The following ANKHD1 variants were observed in gnomAD, a reference collection of about 807,000 sequenced individuals.
The protein encoded by ANKHD1 is ankyrin repeat and KH domain containing 1, also known as ankyrin repeat and KH domain-containing protein 1.
Under a neutral mutation model 230.5 loss-of-function variants are expected in ANKHD1, and 31 were observed. The ratio of observed to expected loss-of-function variants is 0.13; its 90% confidence interval spans 0.10 to 0.18. The LOEUF is 0.18. Among genes scored for constraint, ANKHD1 ranks in the 10% least tolerant of loss-of-function variants. ANKHD1 has a pLI of 1.00. For synonymous variants in ANKHD1, 1,074 were observed against 1,117.6 expected (o/e 0.96, Z 0.78); for missense variants, 2,256 against 3,071.3 (o/e 0.73, Z 6.27).
chr5:140,528,428 G>A lies in ANKHD1; in HGVS notation c.5482G>A (p.Ala1828Thr), dbSNP rs755967286. The A allele has an allele frequency of 1.1e-5, 17 of 1,614,066 alleles. No individual in the cohort carries two copies. Among genetic ancestry groups the A allele is most frequent in the South Asian group, 3.3e-5 (3 of 91,074 alleles). ...QATTLSTFQP[A>T]NKLNKNVPTN... ...AACAACGTTATCTACGTTCCAGCCC[G>A]CTAATAAACTTAATAAGAATGTTCC... The change falls in exon 29 of 34, where the codon GCT becomes ACT. Residue 1828 changes from alanine (A) to threonine (T), a missense_variant. This residue lies in a region of ANKHD1 where 778 missense variants were observed against 966.5 expected (regional missense o/e 0.80). Coordinates refer to ENST00000360839, the MANE Select transcript of ANKHD1 (RefSeq NM_017747.3).
At chr5:140,472,183 A>G in intron 10 of ANKHD1, 1 of 1,529,554 alleles carries the variant, frequency 6.5e-7, no homozygotes, top group Non-Finnish European at 9.0e-7. Flanking sequence ...TTCATGGCCA[A>G]ATGTGATTTT....
intron 1 of ANKHD1, among the ~76,000 whole-genome samples, chr5:140,416,084 A>C (rs1200158868): frequency 1.3e-5 from 2 of 152,162 alleles, no homozygotes; most frequent in Non-Finnish European, 2.9e-5. Flanking sequence ...GATGGTTTCC[A>C]GCTTCATCCA....
At chr5:140,517,178 CAA>C (rs1184009481) in intron 24 of ANKHD1, among the ~76,000 whole-genome samples, 1 of 146,250 alleles carries the variant, frequency 6.8e-6, no homozygotes, top group Admixed American at 6.9e-5. Flanking sequence ...CAACAAAGAT[CAA>C]AAGAGACAAA....
chr5:140,515,145 G>T (rs1212723704), intron 24 of ANKHD1, among the ~76,000 whole-genome samples: 1 of 152,000 alleles, frequency 6.6e-6, no homozygotes, highest in African/African-American at 2.4e-5. Flanking sequence ...GGGTGTGGTA[G>T]TGCATGCCTG....
chr5:140,442,742 G>C (rs1469001022), intron 5 of ANKHD1, among the ~76,000 whole-genome samples: 1 of 152,052 alleles, frequency 6.6e-6, no homozygotes, highest in Admixed American at 6.5e-5. Context: ...GAAGTAGGAA[G>C]AATAAAAGAT....
chr5:140,415,961 C>T (rs1365389826), intron 1 of ANKHD1, among the ~76,000 whole-genome samples: 6 of 151,988 alleles, frequency 3.9e-5, no homozygotes, highest in South Asian at 2.1e-4. Flanking sequence ...CGACAGGCCC[C>T]GGTGTGTGAT....
intron 5 of ANKHD1, 87 bp from the exon 6 acceptor site, chr5:140,445,655 G>T (rs1323187418): frequency 9.2e-6 from 11 of 1,197,216 alleles, no homozygotes; most frequent in Non-Finnish European, 1.2e-5. Flanking sequence ...TGTCATGATT[G>T]TATATTTCTT....
At chr5:140,487,633 A>G (rs980472513) in intron 14 of ANKHD1, among the ~76,000 whole-genome samples, 1 of 152,228 alleles carries the variant, frequency 6.6e-6, no homozygotes, top group African/African-American at 2.4e-5. Flanking sequence ...ACTCAAGTTT[A>G]TGAGCTCTGA....
At chr5:140,480,146 TA>T (rs1391476961) in intron 10 of ANKHD1, among the ~76,000 whole-genome samples, 1 of 152,008 alleles carries the variant, frequency 6.6e-6, no homozygotes, top group Non-Finnish European at 1.5e-5. Flanking sequence ...CAAAATGTTG[TA>T]ATACAGAGTT....
At chr5:140,461,520 T>G (rs925081009) in intron 9 of ANKHD1, among the ~76,000 whole-genome samples, 2 of 152,202 alleles carry the variant, frequency 1.3e-5, no homozygotes, top group Non-Finnish European at 2.9e-5. Context: ...CTTTTTGTTA[T>G]GGCATTTTTT....
At chr5:140,537,678 A>G in intron 31 of ANKHD1, 89 bp downstream of exon 31, 2 of 1,445,678 alleles carry the variant, frequency 1.4e-6, no homozygotes, top group Non-Finnish European at 1.8e-6. Flanking sequence ...AAAAACAAAC[A>G]AAAAAAACTT....
intron 14 of ANKHD1, among the ~76,000 whole-genome samples, chr5:140,491,080 ATG>A (rs1356342178): frequency 0.042 from 5,287 of 126,176 alleles, 131 homozygotes; most frequent in Middle Eastern, 0.12. Context: ...GTATGTATAT[ATG>A]TGTGTGTGTG....
In ANKHD1 at chr5:140,506,704, T is replaced by C; in HGVS notation, c.3409-131T>C. 2 of 1,333,662 alleles carry C rather than the reference T, an allele frequency of 1.5e-6. No individual in the cohort carries two copies. Among genetic ancestry groups the C allele is most frequent in the Non-Finnish European group, 2.0e-6 (2 of 982,434 alleles). 82.6% of individuals were successfully genotyped at this position (1,333,662 alleles called of 1,614,324 possible). ...AGTGTTGATATTTCAATATTTAGGG[T>C]CTAATGAAATGTAATTAAAATATCA... On this transcript the variant is annotated intron_variant, in intron 18 of 33. Transcript: ENST00000360839. This position sits in a 1 kb window ranked among gnomAD's most constrained non-coding sequence, Gnocchi z 4.7.
chr5:140,528,757 C>G lies in ANKHD1; in HGVS notation c.5811C>G (p.Val1937=), dbSNP rs970108912. 3.9e-5 allele frequency: 63 copies of G among 1,614,044 alleles called. No homozygotes were observed. Among genetic ancestry groups the G allele is most frequent in the Non-Finnish European group, 5.2e-5 (61 of 1,180,042 alleles). The change falls in exon 29 of 34, where the codon GTC becomes GTG. Residue 1937 remains valine (V), a synonymous_variant. Transcript: ENST00000360839. The part of the protein sequence containing the change: ...GLATASCPIT[V]SSVVAASQQL... ...CTACTGCCAGTTGTCCTATCACTGT[C>G]TCTTCTGTAGTTGCTGCCAGTCAGC...
Position 140,482,753 on chromosome 5 carries a change from A to G in ANKHD1, c.1870+86A>G, listed in dbSNP as rs544988724. 2.2e-5 allele frequency: 31 copies of G among 1,402,906 alleles called. No individual in the cohort carries two copies. The African/African-American group carries it at 2.9e-4, about 13-fold the overall frequency. The allele number at this position is 1,402,906 out of a possible 1,614,324, so 86.9% of individuals were successfully genotyped here. A position where few individuals can be genotyped will look rare whatever the true frequency, so the allele number is the denominator to read the frequency against. On this transcript the variant is annotated intron_variant, in intron 11 of 33. Transcript: ENST00000360839. ...AACTGTTGCAATTTATGTTATGGCT[A>G]CTTTACCTACAGTAAAGTATTGTAT... is the stretch of plus-strand genomic sequence containing the variant.
intron 30 of ANKHD1, chr5:140,537,148 G>C: frequency 1.8e-6 from 1 of 551,182 alleles, no homozygotes. Flanking sequence ...TTAGACTGTT[G>C]TATACTTATT....
chr5:140,521,361 G>A (rs1276192038), intron 24 of ANKHD1, among the ~76,000 whole-genome samples: 1 of 152,190 alleles, frequency 6.6e-6, no homozygotes, highest in Non-Finnish European at 1.5e-5. Context: ...CTGGGCATGT[G>A]TGGTGGCTCA....
rs747496852 is a variant in ANKHD1, at chr5:140,496,766, A to T, written c.2492A>T (p.Lys831Met). 1 of 1,614,014 alleles carries T rather than the reference A, an allele frequency of 6.2e-7. No homozygotes were observed. ...KKNREEQVQK[K>M]KKILKELQKV... ...AACAGAGAAGAGCAAGTCCAGAAGA[A>T]GAAGAAAATATTGAAAGAACTGCAG... Residue 831 changes from lysine (K) to methionine (M), a missense_variant, in exon 15 of 34, where the codon AAG (lysine) becomes ATG (methionine). This residue lies in a region of ANKHD1 where 358 missense variants were observed against 397.7 expected (regional missense o/e 0.90). Transcript: ENST00000360839.
At chr5:140,447,037 G>A (rs983167301) in intron 6 of ANKHD1, among the ~76,000 whole-genome samples, 11 of 151,922 alleles carry the variant, frequency 7.2e-5, no homozygotes, top group African/African-American at 2.7e-4. Context: ...AGCCTCCCTA[G>A]TAGCTGGTAT....
Sources: allele counts gnomAD v4.1 joint callset (sites outside exome capture counted in the v4.1 genomes callset), GRCh38; gene constraint gnomAD v4.1.1; regional missense constraint gnomAD v4.1.1; non-coding constraint Gnocchi (gnomAD v3.1); transcripts MANE v1.5; gene names NCBI Gene and HGNC (gene_info 2026-07-23, HGNC 2026-07-21).